Variants in NRG1 observed in about 807,000 individuals in gnomAD.
NRG1 encodes neuregulin 1.
In NRG1, 18 loss-of-function variants were observed where a neutral mutation model predicts 63.8. That is an observed-to-expected ratio of 0.28 (90% CI 0.19 to 0.42). NRG1 has a LOEUF of 0.42. Among genes scored for constraint, NRG1 ranks in the 10% least tolerant of loss-of-function variants. The pLI is 1.00. For synonymous variants in NRG1, 302 were observed against 301.3 expected (o/e 1.00, Z -0.02); for missense variants, 762 against 814.7 (o/e 0.94, Z 0.79).
chr8:31,699,198 A>AT (rs11378443), intron 1 of NRG1, among the ~76,000 whole-genome samples: 144,149 of 152,078 alleles, frequency 0.95, 68,761 homozygotes, highest in East Asian at 1. Flanking sequence ...AGTTAATAAC[A>AT]TTTTTTTCCT....
chr8:32,685,528 C>T (rs1263711734), intron 5 of NRG1, among the ~76,000 whole-genome samples: 2 of 152,196 alleles, frequency 1.3e-5, no homozygotes, highest in East Asian at 1.9e-4. Flanking sequence ...TTTTGACTCC[C>T]TCATCTTCCA....
intron 5 of NRG1, among the ~76,000 whole-genome samples, chr8:32,712,992 G>A (rs571527424): frequency 1.3e-5 from 2 of 152,218 alleles, no homozygotes; most frequent in South Asian, 2.1e-4. Context: ...GCTTTGTTAC[G>A]TTGAGCCTGA....
rs554373362 is a variant in NRG1 at position 32,066,837 on chromosome 8, A to C, written c.37+427406A>C. 2.8e-3 allele frequency among the ~76,000 whole-genome samples: 432 copies of C among 152,210 alleles called. 1 individual carries two copies. Among genetic ancestry groups the C allele is most frequent in the Non-Finnish European group, 4.7e-3 (320 of 67,996 alleles). On this transcript the variant is annotated intron_variant, in intron 1 of 10. Transcript: ENST00000519301. ...ATCCATGAGCATGGAATGTTCTTCCATTTGTTTGTATCCTCTTTTATTTCG... is the reference window on the plus strand; with the variant it reads ...ATCCATGAGCATGGAATGTTCTTCCCTTTGTTTGTATCCTCTTTTATTTCG...
chr8:31,972,145 A>C (rs1157499477), intron 1 of NRG1, among the ~76,000 whole-genome samples: 5 of 152,104 alleles, frequency 3.3e-5, no homozygotes, highest in Non-Finnish European at 7.4e-5. Context: ...AAATTTATAT[A>C]ATAATCTATC....
At chr8:32,722,167 C>A in intron 5 of NRG1, 1 of 792,584 alleles carries the variant, frequency 1.3e-6, no homozygotes, top group Non-Finnish European at 2.0e-6. Context: ...GTAAGTAACT[C>A]GTAAAGAATT....
Position 32,513,204 on chromosome 8 carries a change from C to CGT in NRG1, c.38-82605_38-82604dup, listed in dbSNP as rs3031226. Reference sequence around the variant, plus strand: ...GTGTGTGTGTGTGTATGCGTGTGTGCGTGTGTGTGTGTGTGTGTGTATAAA... The same window carrying CGT: ...GTGTGTGTGTGTGTATGCGTGTGTGCGTGTGTGTGTGTGTGTGTGTGTATAAA... On this transcript the variant is annotated intron_variant, in intron 1 of 10. Coordinates refer to the NRG1 transcript ENST00000519301. Among the ~76,000 whole-genome samples the CGT allele has an allele frequency of 7.5e-3, 1,114 of 147,688 alleles. 9 individuals are homozygous for CGT. Among genetic ancestry groups the CGT allele is most frequent in the South Asian group, 0.015 (70 of 4,628 alleles).
chr8:32,271,762 C>G (rs1351462928), intron 1 of NRG1, among the ~76,000 whole-genome samples: 1 of 152,144 alleles, frequency 6.6e-6, no homozygotes, highest in Non-Finnish European at 1.5e-5. Context: ...TAGTACAAGT[C>G]TCTTTATGTG....
intron 1 of NRG1, among the ~76,000 whole-genome samples, chr8:32,011,161 G>C (rs140516286): frequency 1.3e-5 from 2 of 152,082 alleles, no homozygotes; most frequent in South Asian, 2.1e-4. Context: ...ATGTCAGTAC[G>C]GAAGTTTGAA....
Position 32,662,468 on chromosome 8 carries a change from G to A in NRG1, c.502+45583G>A, listed in dbSNP as rs557527639. On this transcript the variant is annotated intron_variant, in intron 5 of 11. Coordinates refer to ENST00000356819, the Ensembl canonical transcript of NRG1. ...TGATGGCTTTTCCACCGAAAGAGAT[G>A]AGGAATTATTGCAGAGTTTTGAGTG... Among the ~76,000 whole-genome samples, 11 of 152,274 alleles carry A rather than the reference G, an allele frequency of 7.2e-5. No individual in the cohort carries two copies. The East Asian group carries it at 2.1e-3, about 29-fold the overall frequency.
intron 1 of NRG1, among the ~76,000 whole-genome samples, chr8:32,094,156 G>T (rs1311845755): frequency 6.6e-6 from 1 of 152,208 alleles, no homozygotes; most frequent in Non-Finnish European, 1.5e-5. Context: ...TATGAGAGTT[G>T]TGAAGTGCTG....
intron 11 of NRG1, chr8:32,761,039 A>G: frequency 1.0e-6 from 1 of 962,404 alleles, no homozygotes; most frequent in Non-Finnish European, 1.2e-6. Context: ...TGCCTTCAAG[A>G]TGGCCCTTTA....
intron 1 of NRG1, among the ~76,000 whole-genome samples, chr8:31,927,451 T>A (rs896916839): frequency 3.1e-5 from 4 of 130,764 alleles, no homozygotes; most frequent in African/African-American, 1.2e-4. Context: ...TTTTTTTTTT[T>A]TTTTTTTTTT....
intron 1 of NRG1, among the ~76,000 whole-genome samples, chr8:32,410,226 A>C (rs2129485349): frequency 7.6e-6 from 1 of 131,120 alleles, no homozygotes; most frequent in Middle Eastern, 6.3e-3. Context: ...TGTCACCTAG[A>C]CTGGAGTGCA....
At chr8:31,682,150 T>A (rs959625127) in intron 1 of NRG1, among the ~76,000 whole-genome samples, 5 of 152,212 alleles carry the variant, frequency 3.3e-5, no homozygotes, top group African/African-American at 7.2e-5. Flanking sequence ...ACTAATCTTT[T>A]CAATGACTTC....
chr8:31,936,989 A>T (rs1801005501), intron 1 of NRG1, among the ~76,000 whole-genome samples: 1 of 152,230 alleles, frequency 6.6e-6, no homozygotes, highest in African/African-American at 2.4e-5. Context: ...AAAAGTAAAA[A>T]AAGCATTGGG....
intron 1 of NRG1, among the ~76,000 whole-genome samples, chr8:32,275,886 C>T (rs117426708): frequency 6.6e-6 from 1 of 152,246 alleles, no homozygotes; most frequent in South Asian, 2.1e-4. Flanking sequence ...AGTACAAATT[C>T]TGCTATTTCT....
At chr8:32,273,048 T>C (rs1214580219) in intron 1 of NRG1, among the ~76,000 whole-genome samples, 1 of 152,188 alleles carries the variant, frequency 6.6e-6, no homozygotes, top group African/African-American at 2.4e-5. Context: ...TATTCATTTC[T>C]CCATAAATTT....
chr8:32,085,454 A>T (rs1258828225), intron 1 of NRG1, among the ~76,000 whole-genome samples: 2 of 152,222 alleles, frequency 1.3e-5, no homozygotes, highest in African/African-American at 2.4e-5. Flanking sequence ...TGGCAATGCT[A>T]GAAATTTAGG....
At chr8:32,035,906 A>C (rs183681466) in intron 1 of NRG1, among the ~76,000 whole-genome samples, 13 of 152,038 alleles carry the variant, frequency 8.6e-5, no homozygotes, top group Middle Eastern at 3.4e-3. Flanking sequence ...CCATTCTTTT[A>C]GTTGGGGCAT....
Sources: allele counts gnomAD v4.1 joint callset (sites outside exome capture counted in the v4.1 genomes callset), GRCh38; gene constraint gnomAD v4.1.1; transcripts MANE v1.5; gene names NCBI Gene and HGNC (gene_info 2026-07-23, HGNC 2026-07-21).